The following SPPL3 variants were observed in gnomAD, a reference collection of about 807,000 sequenced individuals.
The protein encoded by SPPL3 is signal peptide peptidase like 3, also known as signal peptide peptidase-like 3.
In SPPL3, 5 loss-of-function variants were observed where a neutral mutation model predicts 42.4. That is an observed-to-expected ratio of 0.12 (90% CI 0.06 to 0.25). SPPL3 has a LOEUF of 0.25. Ranked by LOEUF, SPPL3 falls within the 10% of genes least tolerant of loss-of-function variation. The pLI, the probability that SPPL3 is intolerant of heterozygous loss-of-function variation, is 1.00. For missense variants in SPPL3, 235 were observed against 489.0 expected, an observed-to-expected ratio of 0.48 and a Z score of 4.90; for synonymous variants, 195 against 181.8, an observed-to-expected ratio of 1.07 and a Z score of -0.58.
chr12:120,792,340 ATTTC>A (rs1286573207), intron 2 of SPPL3, among the ~76,000 whole-genome samples: 5 of 39,650 alleles, frequency 1.3e-4, no homozygotes, highest in East Asian at 6.0e-4. Context: ...AAGCTTGCTC[ATTTC>A]TTTCTTTTTT....
intron 1 of SPPL3, among the ~76,000 whole-genome samples, chr12:120,883,458 G>C (rs1199511538): frequency 6.6e-6 from 1 of 152,122 alleles, no homozygotes; most frequent in Non-Finnish European, 1.5e-5. Flanking sequence ...GAATTTCTTA[G>C]GACACAAAAA....
chr12:120,779,598 T>C (rs930228518), intron 6 of SPPL3, among the ~76,000 whole-genome samples: 1 of 152,132 alleles, frequency 6.6e-6, no homozygotes, highest in African/African-American at 2.4e-5. Flanking sequence ...TTTTAAAGAA[T>C]TTTACTTTGT....
chr12:120,850,509 A>G, intron 1 of SPPL3, among the ~76,000 whole-genome samples: 1 of 151,318 alleles, frequency 6.6e-6, no homozygotes, highest in East Asian at 1.9e-4. Context: ...AAAAAAAAAA[A>G]AAAACAAAAG....
intron 1 of SPPL3, among the ~76,000 whole-genome samples, chr12:120,854,255 G>A (rs562416130): frequency 6.6e-6 from 1 of 152,300 alleles, no homozygotes; most frequent in Non-Finnish European, 1.5e-5. Context: ...GGTTTACCAT[G>A]AAGCACCTAA....
chr12:120,855,453 C>T (rs961971615), intron 1 of SPPL3, among the ~76,000 whole-genome samples: 12 of 151,992 alleles, frequency 7.9e-5, no homozygotes, highest in African/African-American at 1.7e-4. Context: ...TTTGGGAGGC[C>T]GAGGCAGGCA....
At chr12:120,847,682 T>G (rs1024768724) in intron 1 of SPPL3, among the ~76,000 whole-genome samples, 3 of 151,606 alleles carry the variant, frequency 2.0e-5, no homozygotes, top group Non-Finnish European at 2.9e-5. Context: ...CCTCCCACCT[T>G]GGCTTCCGAA....
chr12:120,814,396 G>A (rs1027363581), intron 1 of SPPL3, among the ~76,000 whole-genome samples: 1 of 152,166 alleles, frequency 6.6e-6, no homozygotes, highest in African/African-American at 2.4e-5. Context: ...AGCTGTGGCT[G>A]TCCAGGGTCC....
chr12:120,803,832 G>A lies in SPPL3; in HGVS notation c.101+6977C>T, dbSNP rs142333845. 1.5e-4 allele frequency among the ~76,000 whole-genome samples: 23 copies of A among 152,198 alleles called. 1 individual carries two copies. Among genetic ancestry groups the A allele is most frequent in the Admixed American group, 5.2e-4 (8 of 15,282 alleles). On this transcript the variant is annotated intron_variant, in intron 2 of 10. Coordinates refer to ENST00000353487, the MANE Select transcript of SPPL3 (RefSeq NM_139015.5). The stretch of plus-strand genomic sequence containing the variant: ...TCATCTAACAAGTTCAGGCTTCTGT[G>A]TATGATGTTTTCTTCAAGTAGGACG...
chr12:120,766,432 G>A (rs916256465), intron 9 of SPPL3, 60 bp from the exon 10 acceptor site: 41 of 1,382,232 alleles, frequency 3.0e-5, no homozygotes, highest in Non-Finnish European at 3.6e-5. Flanking sequence ...CCTGGCTGCT[G>A]CTGGGCAAAG....
chr12:120,895,681 C>T (rs924042260), intron 1 of SPPL3, among the ~76,000 whole-genome samples: 6 of 152,310 alleles, frequency 3.9e-5, no homozygotes, highest in South Asian at 2.1e-4. Context: ...ATGTACAGAA[C>T]AAACAGCGTG....
intron 1 of SPPL3, among the ~76,000 whole-genome samples, chr12:120,822,729 T>A (rs888104377): frequency 6.6e-6 from 1 of 152,124 alleles, no homozygotes; most frequent in Non-Finnish European, 1.5e-5. Context: ...AAATCTCCAA[T>A]GACCCTGGGG....
chr12:120,895,056 G>A (rs1227521105), intron 1 of SPPL3, among the ~76,000 whole-genome samples: 3 of 152,148 alleles, frequency 2.0e-5, no homozygotes, highest in South Asian at 2.1e-4. Context: ...GGAAAGATGA[G>A]GATCATCCAC....
chr12:120,829,934 C>T (rs982104410), intron 1 of SPPL3, among the ~76,000 whole-genome samples: 1 of 149,078 alleles, frequency 6.7e-6, no homozygotes, highest in African/African-American at 2.5e-5. Flanking sequence ...ATAGAGGTCG[C>T]AGTGAGCTGA....
intron 1 of SPPL3, among the ~76,000 whole-genome samples, chr12:120,826,992 G>C (rs1871247858): frequency 1.3e-5 from 2 of 152,090 alleles, no homozygotes; most frequent in Admixed American, 1.3e-4. Flanking sequence ...TAGCTGTAAA[G>C]GGTGCTGGAC....
chr12:120,769,585 G>GT (rs1869039350), intron 6 of SPPL3: 1 of 153,932 alleles, frequency 6.5e-6, no homozygotes, highest in Admixed American at 6.4e-5. Flanking sequence ...GAGTCTCGCT[G>GT]TATCACCCAG....
intron 1 of SPPL3, among the ~76,000 whole-genome samples, chr12:120,815,790 G>A (rs1412721781): frequency 6.6e-6 from 1 of 151,850 alleles, no homozygotes; most frequent in Non-Finnish European, 1.5e-5. Flanking sequence ...GCAACGGTGC[G>A]ATCTCGGCTC....
At chr12:120,892,740 T>TG (rs1873680395) in intron 1 of SPPL3, among the ~76,000 whole-genome samples, 1 of 152,074 alleles carries the variant, frequency 6.6e-6, no homozygotes, top group Non-Finnish European at 1.5e-5. Flanking sequence ...CCCAGCACTT[T>TG]GGGAGACCAA....
In SPPL3 at chr12:120,767,444, C is replaced by T. The variant is rs764831738; in HGVS notation, c.923G>A (p.Arg308His). The T allele has an allele frequency of 1.2e-5, 20 of 1,613,852 alleles. No individual in the cohort carries two copies. Among genetic ancestry groups the T allele is most frequent in the East Asian group, 2.2e-5 (1 of 44,898 alleles). Residue 308 changes from arginine (R) to histidine (H), a missense_variant, in exon 9 of 11, where the codon CGC (arginine) becomes CAC (histidine). Physicochemically the swap from Arg to His is conservative, Grantham distance 29 (BLOSUM62 0). Transcript: ENST00000353487. Reference sequence around the variant, plus strand: ...GTGAAAGTAGGAGACCTTCTGCATGCGCCCGGAGATGTTGGCAGGTCCAGG... The same window carrying T: ...GTGAAAGTAGGAGACCTTCTGCATGTGCCCGGAGATGTTGGCAGGTCCAGG... ...GAPGPANISGRMQKVSYFHCT... is the reference protein window; with the variant it reads ...GAPGPANISGHMQKVSYFHCT...
intron 2 of SPPL3, among the ~76,000 whole-genome samples, chr12:120,798,244 C>A (rs1217203930): frequency 6.6e-6 from 1 of 151,974 alleles, no homozygotes; most frequent in African/African-American, 2.4e-5. Context: ...TTTAAAAAAG[C>A]CTTGGATTTT....
Sources: gnomAD v4.1 joint callset for allele counts (sites outside exome capture counted in the v4.1 genomes callset) on GRCh38, gnomAD v4.1.1 for gene constraint, MANE v1.5 for transcripts, NCBI Gene and HGNC (gene_info 2026-07-23, HGNC 2026-07-21) for gene names.